SCAPER: variants seen among roughly 807,000 people sequenced by gnomAD.
The protein encoded by SCAPER is S phase cyclin A-associated protein in the endoplasmic reticulum.
SCAPER carries 98 observed loss-of-function variants against 182.2 expected under a neutral mutation model. The observed-to-expected ratio is 0.54, with a 90% CI of 0.46 to 0.64. SCAPER has a LOEUF of 0.64. Among genes scored for constraint, SCAPER ranks in the 30% least tolerant of loss-of-function variants. SCAPER has a pLI of 0.00. For missense variants in SCAPER, 1,432 were observed against 1,690.0 expected, an observed-to-expected ratio of 0.85 and a Z score of 2.68; for synonymous variants, 605 against 564.6, an observed-to-expected ratio of 1.07 and a Z score of -1.01.
At chr15:76,539,746 C>T (rs942973166) in intron 23 of SCAPER, among the ~76,000 whole-genome samples, 25 of 152,080 alleles carry the variant, frequency 1.6e-4, no homozygotes, top group African/African-American at 3.9e-4. Context: ...GGGGTTTCAC[C>T]GTGTTAGCCA....
At chr15:76,430,456 G>T (rs964128203) in intron 26 of SCAPER, among the ~76,000 whole-genome samples, 1 of 152,220 alleles carries the variant, frequency 6.6e-6, no homozygotes, top group Non-Finnish European at 1.5e-5. Context: ...AGTCACACAG[G>T]CAGAGCCGCC....
chr15:76,690,846 A>G (rs1413763559), intron 20 of SCAPER, among the ~76,000 whole-genome samples: 2 of 152,148 alleles, frequency 1.3e-5, no homozygotes, highest in Non-Finnish European at 2.9e-5. Context: ...TGAGACTAGA[A>G]AAAGTAAAAC....
chr15:76,638,902 C>A (rs1033370857), intron 21 of SCAPER, among the ~76,000 whole-genome samples: 2 of 152,080 alleles, frequency 1.3e-5, no homozygotes, highest in African/African-American at 2.4e-5. Flanking sequence ...AATAAACCTG[C>A]AAGTTAGGCA....
chr15:76,790,577 T>A (rs910834709), intron 8 of SCAPER, among the ~76,000 whole-genome samples: 2 of 152,210 alleles, frequency 1.3e-5, no homozygotes, highest in Admixed American at 1.3e-4. Context: ...AAATTTAGTA[T>A]ATAATACTCA....
intron 21 of SCAPER, among the ~76,000 whole-genome samples, chr15:76,653,320 A>T (rs565196055): frequency 1.1e-4 from 17 of 152,202 alleles, no homozygotes; most frequent in Non-Finnish European, 2.5e-4. Flanking sequence ...AATGCTATTC[A>T]TATCAAACTG....
At chr15:76,830,326 T>G (rs1336125659) in intron 5 of SCAPER, among the ~76,000 whole-genome samples, 2 of 152,144 alleles carry the variant, frequency 1.3e-5, no homozygotes, top group East Asian at 3.9e-4. Context: ...GAAAAACCGT[T>G]GAACAACTAC....
intron 17 of SCAPER, among the ~76,000 whole-genome samples, chr15:76,716,642 G>C (rs1164648533): frequency 6.6e-6 from 1 of 151,610 alleles, no homozygotes; most frequent in Non-Finnish European, 1.5e-5. Flanking sequence ...AAAATCTTAA[G>C]AGCTGAAGAA....
intron 4 of SCAPER, among the ~76,000 whole-genome samples, chr15:76,852,382 T>C (rs1425371787): frequency 6.6e-6 from 1 of 152,198 alleles, no homozygotes; most frequent in African/African-American, 2.4e-5. Context: ...ACACAGAATA[T>C]ACATTCTTCT....
intron 20 of SCAPER, among the ~76,000 whole-genome samples, chr15:76,695,953 AC>A (rs1467313723): frequency 6.6e-6 from 1 of 152,208 alleles, no homozygotes. Flanking sequence ...TCTTAAACTT[AC>A]CAACCCTACT....
intron 4 of SCAPER, among the ~76,000 whole-genome samples, chr15:76,852,360 C>G (rs2070849405): frequency 6.6e-6 from 1 of 152,200 alleles, no homozygotes; most frequent in African/African-American, 2.4e-5. Flanking sequence ...CTACAGAACT[C>G]TCCAACCAAA....
chr15:76,487,598 T>C (rs866118362), intron 24 of SCAPER, among the ~76,000 whole-genome samples: 3 of 152,096 alleles, frequency 2.0e-5, no homozygotes, highest in Admixed American at 1.3e-4. Context: ...ATTTCAAGAA[T>C]AGGTAAAACT....
At chr15:76,387,391 T>C (rs2957608) in intron 27 of SCAPER, among the ~76,000 whole-genome samples, 147,948 of 152,296 alleles carry the variant, frequency 0.97, 71,998 homozygotes, top group East Asian at 1. Context: ...CAGGTATATC[T>C]CCAGGGCTTA....
At chr15:76,726,854 G>C (rs1235347422) in intron 17 of SCAPER, among the ~76,000 whole-genome samples, 1 of 151,942 alleles carries the variant, frequency 6.6e-6, no homozygotes, top group Admixed American at 6.6e-5. Flanking sequence ...GAGAGAATAG[G>C]GAGTTACTAC....
chr15:76,652,331 C>T (rs71398947), intron 21 of SCAPER, among the ~76,000 whole-genome samples: 5,585 of 23,972 alleles, frequency 0.23, 1,246 homozygotes, highest in Non-Finnish European at 0.32. Context: ...CACACACACA[C>T]ATACACATAT....
rs577745848 is a variant in SCAPER, at chr15:76,744,645, A to C, written c.1866+9163T>G. 2.5e-4 allele frequency among the ~76,000 whole-genome samples: 38 copies of C among 152,330 alleles called. No homozygotes were observed. The South Asian group carries it at 6.0e-3, about 24-fold the overall frequency. On this transcript the variant is annotated intron_variant, in intron 15 of 31. Transcript: ENST00000563290. ...AGTTAAAAAACAAGAGATGCTGGCA[A>C]GGCTACAGAGAAAAGGGAACGCTTA...
intron 1 of SCAPER, among the ~76,000 whole-genome samples, chr15:76,889,730 T>C (rs1228247055): frequency 6.6e-6 from 1 of 152,190 alleles, no homozygotes; most frequent in Non-Finnish European, 1.5e-5. Flanking sequence ...TGGGAGACTT[T>C]AACACCCTAC....
At chr15:76,698,003 C>A (rs2058741277) in intron 20 of SCAPER, among the ~76,000 whole-genome samples, 1 of 151,764 alleles carries the variant, frequency 6.6e-6, no homozygotes, top group African/African-American at 2.4e-5. Context: ...GTAATTGAGG[C>A]AATTAAGGAT....
intron 22 of SCAPER, among the ~76,000 whole-genome samples, chr15:76,610,547 A>G (rs1378288697): frequency 1.3e-5 from 2 of 152,222 alleles, no homozygotes; most frequent in Admixed American, 1.3e-4. Context: ...ATTCTACAAA[A>G]AAATCCTGAT....
At position 76,702,927 on chromosome 15, in the gene SCAPER, G is replaced by A. The variant is rs1371977675; in HGVS notation, c.2323C>T (p.Arg775Ter). Reference sequence around the variant, plus strand: ...GGGGCATAATCAGTATTTGCATGTCGCCCACTGCTTAGCTCAGCAGCTTTT... The same window carrying A: ...GGGGCATAATCAGTATTTGCATGTCACCCACTGCTTAGCTCAGCAGCTTTT... The part of the protein sequence containing the change: ...KEKAAELSSG[R>*]HANTDYAPKL... Residue 775 changes from arginine (R) to a stop codon, truncating the protein, a stop_gained, in exon 19 of 32, where the codon CGA becomes TGA. Transcript: ENST00000563290. LOFTEE classifies it high-confidence loss of function. 11 of 1,610,134 alleles carry A rather than the reference G, an allele frequency of 6.8e-6. No individual in the cohort carries two copies. The highest frequency in any genetic ancestry group is 2.2e-5 in the South Asian group (2 of 90,082).
Sources: allele counts gnomAD v4.1 joint callset (sites outside exome capture counted in the v4.1 genomes callset), GRCh38; gene constraint gnomAD v4.1.1; transcripts MANE v1.5; gene names NCBI Gene and HGNC (gene_info 2026-07-23, HGNC 2026-07-21).